BCOR: variants seen among roughly 807,000 people sequenced by gnomAD.
BCOR encodes the protein BCL-6 corepressor.
Under a neutral mutation model 86.7 loss-of-function variants are expected in BCOR, and 10 were observed. That is an observed-to-expected ratio of 0.12 (90% CI 0.07 to 0.20). The LOEUF (loss-of-function observed/expected upper bound fraction) is 0.20, where lower values mean the gene tolerates loss of function less well. Among genes scored for constraint, BCOR ranks in the 10% least tolerant of loss-of-function variants. The probability of loss-of-function intolerance (pLI) is 1.00; values close to 1 mark genes in which losing one functional copy is unlikely to be tolerated. For synonymous variants in BCOR, 611 were observed against 609.0 expected, an observed-to-expected ratio of 1.00 and a Z score of -0.05; for missense variants, 1,259 against 1,452.1, an observed-to-expected ratio of 0.87 and a Z score of 2.16.
chrX:40,103,784 CA>C (rs1937116701), intron 1 of BCOR, among the ~76,000 whole-genome samples: 1 of 111,191 alleles, frequency 9.0e-6, no homozygotes, highest in African/African-American at 3.3e-5. Context: ...AAAGATAAGC[CA>C]ATTTTTTTTT....
In BCOR at chrX:40,077,852, G is replaced by A. The variant is rs778509180; in HGVS notation, c.78C>T (p.Ser26=). ...NSERVRMCGA[S]EDRKILVNDG... ...CAGATGGGCGCATTCACCTGTCTTC[G>A]CTCGCCCCACACATGCGGACCCTCT... The change falls in exon 2 of 15, where the codon AGC becomes AGT. Residue 26 remains serine (S), a synonymous_variant. Transcript: ENST00000378444. The A allele has an allele frequency of 3.3e-6, 4 of 1,209,667 alleles. No homozygotes were observed. The South Asian group carries it at 5.3e-5, about 16-fold the overall frequency.
intron 1 of BCOR, among the ~76,000 whole-genome samples, chrX:40,172,596 A>G (rs1938651617): frequency 8.9e-6 from 1 of 112,740 alleles, no homozygotes; most frequent in African/African-American, 3.2e-5. Flanking sequence ...ACGGGTGTTG[A>G]GGGGAGAGTG....
At position 40,052,318 on chromosome X, in the gene BCOR, C is replaced by T. The variant is rs751780062; in HGVS notation, c.5059G>A (p.Val1687Met). Reference sequence around the variant, plus strand: ...GCCTCTGCAATGGTGACAATTTCCACGTTTGGAAAATTGCAGCGAAATATG... The same window carrying T: ...GCCTCTGCAATGGTGACAATTTCCATGTTTGGAAAATTGCAGCGAAATATG... ...SRIFRCNFPN[V>M]EIVTIAEAEF... The change falls in exon 15 of 15, where the codon GTG becomes ATG. Residue 1687 changes from valine to methionine, a missense_variant. Physicochemically the swap from Val to Met is conservative, Grantham distance 21 (BLOSUM62 1). Transcript: ENST00000378444. 1.1e-5 allele frequency: 13 copies of T among 1,210,320 alleles called. No individual in the cohort carries two copies. The highest frequency in any genetic ancestry group is 3.5e-5 in the South Asian group (2 of 56,880).
intron 1 of BCOR, among the ~76,000 whole-genome samples, chrX:40,171,345 G>T (rs1358903917): frequency 8.9e-6 from 1 of 112,276 alleles, no homozygotes; most frequent in Non-Finnish European, 1.9e-5. Context: ...CTCCAGGCCC[G>T]GGAGGACAAT....
upstream of BCOR, among the ~76,000 whole-genome samples, chrX:40,099,367 C>G (rs1324134009): frequency 5.4e-5 from 6 of 111,497 alleles, no homozygotes; most frequent in African/African-American, 2.0e-4. Flanking sequence ...CCGGACTAAC[C>G]GCGCCCAGAC....
upstream of BCOR, among the ~76,000 whole-genome samples, chrX:40,101,192 G>C (rs982549863): frequency 3.6e-5 from 4 of 111,260 alleles, no homozygotes; most frequent in Non-Finnish European, 7.6e-5. Context: ...ACTTAAGAAG[G>C]GGCTCAGGGA....
At chrX:40,054,426 A>C in intron 12 of BCOR, 93 bp from the exon 13 acceptor site, 1 of 655,243 alleles carries the variant, frequency 1.5e-6, no homozygotes, top group Non-Finnish European at 2.5e-6. Context: ...CTATACATTC[A>C]TGACAGGCTG....
At chrX:40,154,529 C>A (rs1447582735) in intron 1 of BCOR, among the ~76,000 whole-genome samples, 2 of 110,794 alleles carry the variant, frequency 1.8e-5, no homozygotes, top group African/African-American at 6.6e-5. Context: ...GCGAGCGAAG[C>A]CCGAGGTGCC....
chrX:40,083,250 C>A (rs1378176585), intron 1 of BCOR, among the ~76,000 whole-genome samples: 2 of 110,972 alleles, frequency 1.8e-5, no homozygotes, highest in Admixed American at 1.9e-4. Context: ...GGCAAAACCG[C>A]AGGCTTCCAG....
At chrX:40,076,811 T>C (rs1031695043) in intron 2 of BCOR, 4 of 328,096 alleles carry the variant, frequency 1.2e-5, no homozygotes, top group African/African-American at 1.1e-4. Flanking sequence ...TAAGCACAAC[T>C]ACTTCTCCCT....
chrX:40,064,946 G>A lies in BCOR; in HGVS notation c.3239-347C>T, dbSNP rs141609223. ...CACTATAGTCCTTTCAGCAGAAGAT[G>A]CAACCAAGCTGGGGCTGACCTAAAA... On this transcript the variant is annotated intron_variant, in intron 6 of 14. Coordinates refer to ENST00000378444, the MANE Select transcript of BCOR (RefSeq NM_001123385.2). Among the ~76,000 whole-genome samples, 1,120 of 112,347 alleles carry A rather than the reference G, an allele frequency of 1.0e-2. 11 individuals carry two copies. The highest frequency in any genetic ancestry group is 0.035 in the African/African-American group (1,074 of 30,905).
intron 1 of BCOR, among the ~76,000 whole-genome samples, chrX:40,167,373 G>C (rs974779980): frequency 4.0e-4 from 45 of 112,155 alleles, no homozygotes; most frequent in Non-Finnish European, 5.8e-4. Context: ...TCATCGGGCA[G>C]TCCCAAGCCA....
intron 1 of BCOR, among the ~76,000 whole-genome samples, chrX:40,151,274 G>C (rs921099016): frequency 8.9e-6 from 1 of 112,615 alleles, no homozygotes; most frequent in African/African-American, 3.2e-5. Context: ...CCCAAGTGCT[G>C]ACAGGGATTG....
intron 1 of BCOR, among the ~76,000 whole-genome samples, chrX:40,175,065 C>T (rs1274506830): frequency 1.8e-5 from 2 of 111,941 alleles, no homozygotes; most frequent in African/African-American, 6.5e-5. Context: ...CCCATCCTCC[C>T]CAAGCACCAG....
Position 40,072,608 on chromosome X carries a change from G to A in BCOR, c.2738C>T (p.Thr913Ile). 1 of 1,212,153 alleles carries A rather than the reference G, an allele frequency of 8.2e-7. No individual in the cohort carries two copies. Among genetic ancestry groups the A allele is most frequent in the Non-Finnish European group, 1.1e-6 (1 of 895,573 alleles). The stretch of plus-strand genomic sequence containing the variant: ...GGGATCCTCTTGGGTTTTACCAAAA[G>A]TTACAGCAGGGCCATCGCTCCCCAG... Reference protein sequence around the residue: ...PPLGSDGPAVTFGKTQEDPKP... With the variant: ...PPLGSDGPAVIFGKTQEDPKP... The change falls in exon 4 of 15, where the codon ACT becomes ATT. Residue 913 changes from threonine (T) to isoleucine (I), a missense_variant. Around this residue, in one of 7 missense-constraint regions of BCOR, gnomAD observed 534 missense variants for 594.8 expected, o/e 0.90. Coordinates refer to ENST00000378444, the MANE Select transcript of BCOR (RefSeq NM_001123385.2).
At chrX:40,109,076 T>C (rs945570397) in intron 1 of BCOR, among the ~76,000 whole-genome samples, 1 of 112,355 alleles carries the variant, frequency 8.9e-6, no homozygotes, top group African/African-American at 3.2e-5. Flanking sequence ...AGCGCTGCGC[T>C]GCTGGGCTGG....
intron 1 of BCOR, among the ~76,000 whole-genome samples, chrX:40,107,825 G>A (rs763582818): frequency 1.2e-4 from 14 of 113,506 alleles, no homozygotes; most frequent in Admixed American, 7.3e-4. Context: ...CCCCTCTCCC[G>A]GGCCTGCGAG....
chrX:40,129,550 G>A (rs1937581638), intron 1 of BCOR, among the ~76,000 whole-genome samples: 1 of 110,782 alleles, frequency 9.0e-6, no homozygotes, highest in Non-Finnish European at 1.9e-5. Flanking sequence ...TGGCAGGGCT[G>A]GGGCCAGGCC....
intron 6 of BCOR, among the ~76,000 whole-genome samples, chrX:40,066,921 ACCCC>A (rs573109269): frequency 2.5e-5 from 1 of 39,387 alleles, no homozygotes; most frequent in African/African-American, 9.3e-5. Flanking sequence ...TCCCAGAGAC[ACCCC>A]CCCCCCCCCA....
Sources: allele counts gnomAD v4.1 joint callset (sites outside exome capture counted in the v4.1 genomes callset), GRCh38; gene constraint gnomAD v4.1.1; regional missense constraint gnomAD v4.1.1; transcripts MANE v1.5; gene names NCBI Gene and HGNC (gene_info 2026-07-23, HGNC 2026-07-21).